The following KDM5B variants were observed in gnomAD, a reference collection of about 807,000 sequenced individuals.
The protein encoded by KDM5B is lysine demethylase 5B.
A neutral mutation model predicts 193.4 loss-of-function variants in KDM5B; 144 were observed. The ratio of observed to expected loss-of-function variants is 0.74; its 90% CI spans 0.65 to 0.86. The LOEUF (loss-of-function observed/expected upper bound fraction) is 0.86. Ranked by LOEUF, KDM5B falls within the 40% of genes least tolerant of loss-of-function variation. The probability of loss-of-function intolerance (pLI) is 0.00; values close to 1 mark genes in which losing one functional copy is unlikely to be tolerated. For missense variants in KDM5B, 1,833 were observed against 1,886.9 expected, an observed-to-expected ratio of 0.97 and a Z score of 0.53; for synonymous variants, 668 against 682.6, an observed-to-expected ratio of 0.98 and a Z score of 0.33.
At chr1:202,791,343 C>T (rs1170643300) in intron 1 of KDM5B, among the ~76,000 whole-genome samples, 1 of 152,190 alleles carries the variant, frequency 6.6e-6, no homozygotes, top group East Asian at 1.9e-4. Context: ...CAGGGTTTTA[C>T]AGCTGTGTCT....
intron 21 of KDM5B, among the ~76,000 whole-genome samples, chr1:202,735,802 G>A (rs143055969): frequency 1.0e-3 from 158 of 152,312 alleles, no homozygotes; most frequent in African/African-American, 3.4e-3. Context: ...TAAGTAACAA[G>A]TTAAAAATGT....
chr1:202,739,774 A>G (rs1655234736), intron 20 of KDM5B, among the ~76,000 whole-genome samples: 1 of 152,168 alleles, frequency 6.6e-6, no homozygotes, highest in Admixed American at 6.5e-5. Context: ...CATGTTTCAG[A>G]GAGCACAGGG....
intron 14 of KDM5B, among the ~76,000 whole-genome samples, chr1:202,746,972 C>T (rs1288867310): frequency 6.6e-6 from 1 of 152,108 alleles, no homozygotes; most frequent in Non-Finnish European, 1.5e-5. Context: ...TAATCTGTAC[C>T]ACCTAACATC....
At chr1:202,757,319 G>C (rs1656063116) in intron 9 of KDM5B, among the ~76,000 whole-genome samples, 1 of 152,200 alleles carries the variant, frequency 6.6e-6, no homozygotes, top group South Asian at 2.1e-4. Context: ...GGAAAGGGTG[G>C]TTGGGGACTT....
chr1:202,733,802 G>A lies in KDM5B; in HGVS notation c.3508C>T (p.Pro1170Ser). 1 of 1,614,128 alleles carries A rather than the reference G, an allele frequency of 6.2e-7. No homozygotes were observed. Among genetic ancestry groups the A allele is most frequent in the African/African-American group, 1.3e-5 (1 of 75,032 alleles). The change falls in exon 23 of 27, where the codon CCT (proline) becomes TCT (serine). Residue 1170 changes from proline to serine, a missense_variant. By Grantham distance (74) the Pro-to-Ser change is moderately conservative. Transcript: ENST00000367265. ...ATTTTTATATCCACATCTTGGAGAG[G>A]CGACAGCAATTTCCCTTCATTGGCG... ...RLANEGKLLS[P>S]LQDVDIKICL...
intron 5 of KDM5B, among the ~76,000 whole-genome samples, chr1:202,765,713 C>G (rs1039605613): frequency 1.3e-5 from 2 of 152,178 alleles, no homozygotes; most frequent in Non-Finnish European, 2.9e-5. Context: ...AAGTGAAAAA[C>G]TATTCTCTTA....
intron 16 of KDM5B, among the ~76,000 whole-genome samples, chr1:202,745,377 G>A (rs115969321): frequency 1.3e-5 from 2 of 152,138 alleles, no homozygotes; most frequent in Non-Finnish European, 2.9e-5. Context: ...GAGAGAGAGA[G>A]ATATAAAGGG....
Position 202,729,688 on chromosome 1 carries a change from T to C in KDM5B, c.4497+19A>G, listed in dbSNP as rs749887044. 2 of 1,601,836 alleles carry C rather than the reference T, an allele frequency of 1.2e-6. No individual in the cohort carries two copies. Among genetic ancestry groups the C allele is most frequent in the South Asian group, 1.1e-5 (1 of 89,394 alleles). On this transcript the variant is annotated intron_variant, in intron 26 of 26. Transcript: ENST00000367265. ...GAGTTAAGGGAAAGCACGTCCTCTA[T>C]GGCCCAAACCTCACTGACCTCATCT... is the stretch of plus-strand genomic sequence containing the variant.
At position 202,774,768 on chromosome 1, in the gene KDM5B, T is replaced by C. The variant is rs756903627; in HGVS notation, c.283-33A>G. 4.4e-6 allele frequency: 7 copies of C among 1,598,950 alleles called. No individual in the cohort carries two copies. In the South Asian group the frequency reaches 7.8e-5, roughly 18 times the overall value. On this transcript the variant is annotated intron_variant, in intron 2 of 26. Coordinates refer to ENST00000367265, the MANE Select transcript of KDM5B (RefSeq NM_006618.5). ...ACAAAGAATTGAGTTTTCATCTCAT[T>C]TAGCTTATTTTAAAGCTCCTATTAC...
At position 202,740,778 on chromosome 1, in the gene KDM5B, C is replaced by A; in HGVS notation, c.2980G>T (p.Val994Leu). Residue 994 changes from valine (V) to leucine (L), a missense_variant, in exon 20 of 27, where the codon GTA becomes TTA. Val to Leu is a conservative substitution (Grantham distance 32, BLOSUM62 1). Around this residue, in one of 3 missense-constraint regions of KDM5B, gnomAD observed 1,379 missense variants for 1,349.6 expected, o/e 1.02. Coordinates refer to ENST00000367265, the MANE Select transcript of KDM5B (RefSeq NM_006618.5). ...GCAGGGATCTCTTCGATTTCCTTTA[C>A]TGCCGTAGCAAGGCTATTCAATGAA... is the stretch of plus-strand genomic sequence containing the variant. Reference protein sequence around the residue: ...RHSLNSLATAVKEIEEIPAYL... With the variant: ...RHSLNSLATALKEIEEIPAYL... 1 of 1,612,832 alleles carries A rather than the reference C, an allele frequency of 6.2e-7. No homozygotes were observed.
rs1655976387 is a variant in KDM5B, at chr1:202,755,567, G to T, written c.1357-115C>A. ...AAAAAAAGAAATGTGGAAGAGGAGG[G>T]GCCACCATGCTGACCTTCTAGGATG... On this transcript the variant is annotated intron_variant, in intron 10 of 26. Transcript: ENST00000367265. 8.5e-6 allele frequency: 7 copies of T among 823,732 alleles called. No individual in the cohort carries two copies. In the South Asian group the frequency reaches 1.3e-4, roughly 15 times the overall value. 51.0% of individuals were successfully genotyped at this position (823,732 alleles called of 1,614,324 possible).
chr1:202,795,279 T>A (rs941156390), intron 1 of KDM5B, among the ~76,000 whole-genome samples: 2 of 151,848 alleles, frequency 1.3e-5, no homozygotes, highest in Admixed American at 1.3e-4. Context: ...TCTCAAAATA[T>A]CTTATTGTAC....
intron 1 of KDM5B, among the ~76,000 whole-genome samples, chr1:202,807,569 G>T (rs1658354093): frequency 1.3e-5 from 2 of 151,938 alleles, no homozygotes; most frequent in South Asian, 4.1e-4. Flanking sequence ...GGCCGACGCC[G>T]CCACCACACA....
chr1:202,765,736 T>C (rs546462962), intron 5 of KDM5B, among the ~76,000 whole-genome samples: 1 of 152,238 alleles, frequency 6.6e-6, no homozygotes, highest in Non-Finnish European at 1.5e-5. Context: ...TATCTATTTC[T>C]TCAGAAAACA....
chr1:202,750,741 A>G lies in KDM5B; in HGVS notation c.1739T>C (p.Ile580Thr). ...RTNQCAGEFV[I>T]TFPRAYHSGF... ...ACTGTGGTAGGCTCTTGGAAATGTA[A>G]TCACAAACTCCCCAGCACACTGATT... Residue 580 changes from isoleucine to threonine, a missense_variant, in exon 13 of 27, where the codon ATT (isoleucine) becomes ACT (threonine). Physicochemically the swap from Ile to Thr is moderately conservative, Grantham distance 89. Around this residue, in one of 3 missense-constraint regions of KDM5B, gnomAD observed 1,379 missense variants for 1,349.6 expected, o/e 1.02. Coordinates refer to ENST00000367265, the MANE Select transcript of KDM5B (RefSeq NM_006618.5). The G allele has an allele frequency of 6.2e-7, 1 of 1,614,052 alleles. No individual in the cohort carries two copies. Among genetic ancestry groups the G allele is most frequent in the Non-Finnish European group, 8.5e-7 (1 of 1,179,910 alleles).
chr1:202,729,083 A>G lies in KDM5B; in HGVS notation c.4588T>C (p.Tyr1530His). 6.2e-7 allele frequency: 1 copy of G among 1,614,162 alleles called. No individual in the cohort carries two copies. The change falls in exon 27 of 27, where the codon TAC (tyrosine) becomes CAC (histidine). Residue 1530 changes from tyrosine to histidine, a missense_variant. Tyr to His is a moderately conservative substitution (Grantham distance 83). Around this residue, in one of 3 missense-constraint regions of KDM5B, gnomAD observed 1,379 missense variants for 1,349.6 expected, o/e 1.02. Coordinates refer to ENST00000367265, the MANE Select transcript of KDM5B (RefSeq NM_006618.5). ...TTCACAGTACAGCGCACACAGATGT[A>G]GTCTTCTTTCTCTGCCATCTCTGGG... ...VSPEMAEKEDYICVRCTVKDA... is the reference protein window; with the variant it reads ...VSPEMAEKEDHICVRCTVKDA...
intron 1 of KDM5B, among the ~76,000 whole-genome samples, chr1:202,789,600 A>AGGGG: frequency 1.1e-3 from 1 of 918 alleles, no homozygotes; most frequent in Admixed American, 0.019. Context: ...GAGGAAAGGG[A>AGGGG]AGGGGAAAGG....
In KDM5B at chr1:202,776,996, GAAC is replaced by G; in HGVS notation, c.282+18_282+20del. The G allele has an allele frequency of 6.5e-7, 1 of 1,534,736 alleles. No individual in the cohort carries two copies. Among genetic ancestry groups the G allele is most frequent in the Non-Finnish European group, 9.0e-7 (1 of 1,108,294 alleles). On this transcript the variant is annotated intron_variant, in intron 2 of 26. Transcript: ENST00000367265. Reference sequence around the variant, plus strand: ...GGTCCCCCTGGAATACAGGCAAACAGAACAATAGTGAAGACATTACCTCCAATT... The same window carrying G: ...GGTCCCCCTGGAATACAGGCAAACAGAATAGTGAAGACATTACCTCCAATT...
At chr1:202,769,749 T>G (rs1357291620) in intron 4 of KDM5B, among the ~76,000 whole-genome samples, 1 of 151,930 alleles carries the variant, frequency 6.6e-6, no homozygotes, top group Non-Finnish European at 1.5e-5. Context: ...ATTCTGTTTT[T>G]TGAAAAAATT....
Sources: gnomAD v4.1 joint callset for allele counts (sites outside exome capture counted in the v4.1 genomes callset) on GRCh38, gnomAD v4.1.1 for gene constraint, gnomAD v4.1.1 regional missense constraint, MANE v1.5 for transcripts, NCBI Gene and HGNC (gene_info 2026-07-23, HGNC 2026-07-21) for gene names.